The following AFF1 variants were observed in gnomAD, a reference collection of about 807,000 sequenced individuals.
AFF1 encodes the protein AF4/FMR2 family member 1.
In AFF1, 48 loss-of-function variants were observed where a neutral mutation model predicts 121.7. The ratio of observed to expected loss-of-function variants is 0.39; its 90% CI spans 0.31 to 0.50. The LOEUF is 0.50. AFF1 is among the 20% of genes least tolerant of loss of function. AFF1 has a pLI of 0.76. For synonymous variants in AFF1, 613 were observed against 563.0 expected (o/e 1.09, Z -1.26); for missense variants, 1,523 against 1,511.7 (o/e 1.01, Z -0.12).
At position 86,946,430 on chromosome 4, in the gene AFF1, T is replaced by C. The variant is rs572675354; in HGVS notation, c.-36-2068T>C. Among the ~76,000 whole-genome samples, 2 of 152,006 alleles carry C rather than the reference T, an allele frequency of 1.3e-5. 1 individual carries two copies. The highest frequency in any genetic ancestry group is 4.2e-4 in the South Asian group (2 of 4,812). ...TGGAGGGCAGTGGTGCAATTTCAGC[T>C]CACTGCAACCTACATCACCCCCACC... On this transcript the variant is annotated intron_variant, in intron 1 of 20. Transcript: ENST00000395146.
At chr4:87,048,010 GTGAACACGAAAAAATTTT>G (rs1196988761) in intron 4 of AFF1, 3 of 201,894 alleles carry the variant, frequency 1.5e-5, no homozygotes, top group African/African-American at 7.0e-5. Context: ...GGGTAACAAT[GTGAACACGAAAAAATTTT>G]TTTTGATTAA....
chr4:87,122,577 C>T (rs781002009), intron 12 of AFF1, among the ~76,000 whole-genome samples: 11 of 152,256 alleles, frequency 7.2e-5, no homozygotes, highest in Non-Finnish European at 1.3e-4. Context: ...GTTTAGAACT[C>T]GGTTGCTTAT....
intron 4 of AFF1, among the ~76,000 whole-genome samples, chr4:87,052,986 T>C (rs186864097): frequency 2.6e-5 from 4 of 152,248 alleles, no homozygotes; most frequent in East Asian, 3.9e-4. Flanking sequence ...TTGGGTCATG[T>C]ATTAAGATCA....
intron 2 of AFF1, among the ~76,000 whole-genome samples, chr4:86,954,728 CAAAA>C (rs1291421933): frequency 3.3e-5 from 5 of 151,952 alleles, no homozygotes; most frequent in African/African-American, 1.2e-4. Flanking sequence ...GACCCTGTCT[CAAAA>C]AAATCTTAAG....
At chr4:86,963,385 A>G (rs978884044) in intron 2 of AFF1, among the ~76,000 whole-genome samples, 11 of 152,230 alleles carry the variant, frequency 7.2e-5, no homozygotes, top group Admixed American at 6.5e-4. Flanking sequence ...AGTGTCAACT[A>G]GGAACTAGGG....
intron 8 of AFF1, among the ~76,000 whole-genome samples, chr4:87,097,329 A>G (rs1724977252): frequency 6.6e-6 from 1 of 152,168 alleles, no homozygotes; most frequent in Non-Finnish European, 1.5e-5. Flanking sequence ...GGTCTGATCT[A>G]CGCCTGACAG....
chr4:87,086,495 A>G (rs72879911), intron 5 of AFF1, among the ~76,000 whole-genome samples: 1 of 152,198 alleles, frequency 6.6e-6, no homozygotes, highest in Non-Finnish European at 1.5e-5. Flanking sequence ...TGGTTAATGT[A>G]TAAATCATGC....
At chr4:87,075,169 A>G (rs899124829) in intron 4 of AFF1, among the ~76,000 whole-genome samples, 13 of 152,312 alleles carry the variant, frequency 8.5e-5, no homozygotes, top group African/African-American at 2.9e-4. Context: ...AAGAACTGCT[A>G]TTTTAAAATA....
rs187012782 is a variant in AFF1 at position 87,115,095 on chromosome 4, G to C, written c.2262G>C (p.Lys754Asn). 1 of 1,614,134 alleles carries C rather than the reference G, an allele frequency of 6.2e-7. No homozygotes were observed. Among genetic ancestry groups the C allele is most frequent in the African/African-American group, 1.3e-5 (1 of 75,032 alleles). ...TCCCATTGCCTTTGAGAGACACCAA[G>C]CTGCTCTCACCGCTCAGGGACACTC... ...DRLPLPLRDT[K>N]LLSPLRDTPP... Residue 754 changes from lysine to asparagine, a missense_variant, in exon 12 of 21, where the codon AAG becomes AAC. Physicochemically the swap from Lys to Asn is moderately conservative, Grantham distance 94. Around this residue, in one of 5 missense-constraint regions of AFF1, gnomAD observed 905 missense variants for 842.5 expected, o/e 1.07. Transcript: ENST00000395146.
At chr4:86,943,979 A>G (rs113536481) in intron 1 of AFF1, among the ~76,000 whole-genome samples, 23,809 of 151,184 alleles carry the variant, frequency 0.16, 2,168 homozygotes, top group East Asian at 0.29. Flanking sequence ...AAAAACAATA[A>G]TAACATAAAA....
At chr4:87,093,593 C>G (rs1724534422) in intron 7 of AFF1, among the ~76,000 whole-genome samples, 1 of 152,154 alleles carries the variant, frequency 6.6e-6, no homozygotes, top group African/African-American at 2.4e-5. Context: ...ATTTAGAACC[C>G]AGGCAAGATG....
chr4:87,076,379 T>C (rs1360694197), intron 4 of AFF1, among the ~76,000 whole-genome samples: 1 of 152,222 alleles, frequency 6.6e-6, no homozygotes, highest in Non-Finnish European at 1.5e-5. Flanking sequence ...TGGCAGGCAG[T>C]TTGACGTTAA....
chr4:87,114,668 C>G lies in AFF1; in HGVS notation c.1835C>G (p.Pro612Arg), dbSNP rs1726897861. ...PQRQTVGTKQ[P>R]KKPVKASARA... The stretch of plus-strand genomic sequence containing the variant: ...AGGCAAACCGTTGGAACCAAACAAC[C>G]CAAAAAACCTGTCAAGGCCTCTGCC... The change falls in exon 12 of 21, where the codon CCC becomes CGC. Residue 612 changes from proline to arginine, a missense_variant. By Grantham distance (103) the Pro-to-Arg change is moderately radical (BLOSUM62 -2). Transcript: ENST00000395146. 2 of 1,613,502 alleles carry G rather than the reference C, an allele frequency of 1.2e-6. No homozygotes were observed. The highest frequency in any genetic ancestry group is 2.7e-5 in the African/African-American group (2 of 74,896).
chr4:86,984,882 A>G (rs1394983882), intron 2 of AFF1, among the ~76,000 whole-genome samples: 1 of 152,106 alleles, frequency 6.6e-6, no homozygotes, highest in East Asian at 1.9e-4. Flanking sequence ...TGATGATGCC[A>G]CTGCATTCCA....
chr4:87,007,562 T>A, intron 2 of AFF1: 1 of 1,184,188 alleles, frequency 8.4e-7, no homozygotes, highest in Non-Finnish European at 1.2e-6. Context: ...CCCGAGGCTG[T>A]GGCTTGACTA....
chr4:86,991,114 T>C (rs1313922703), intron 2 of AFF1, among the ~76,000 whole-genome samples: 1 of 149,666 alleles, frequency 6.7e-6, no homozygotes, highest in African/African-American at 2.5e-5. Context: ...ATCGTGCCAT[T>C]GCACTCCAGA....
chr4:87,114,413 C>T lies in AFF1; in HGVS notation c.1580C>T (p.Thr527Ile). The change falls in exon 12 of 21, where the codon ACC becomes ATC. Residue 527 changes from threonine to isoleucine, a missense_variant. By Grantham distance (89) the Thr-to-Ile change is moderately conservative. Transcript: ENST00000395146. ...AAATGGCAGCTGGACAACTGGCTGACCAAAGTCAGCCAGCCAGCTGCGCCA... is the reference window on the plus strand; with the variant it reads ...AAATGGCAGCTGGACAACTGGCTGATCAAAGTCAGCCAGCCAGCTGCGCCA... ...TNKWQLDNWL[T>I]KVSQPAAPPE... 1 of 1,607,860 alleles carries T rather than the reference C, an allele frequency of 6.2e-7. No individual in the cohort carries two copies. The highest frequency in any genetic ancestry group is 1.3e-5 in the African/African-American group (1 of 74,582).
At chr4:87,048,323 C>G (rs963671029) in intron 4 of AFF1, among the ~76,000 whole-genome samples, 4 of 151,672 alleles carry the variant, frequency 2.6e-5, no homozygotes, top group Admixed American at 2.6e-4. Context: ...TTTTTAAAAC[C>G]AAGAAAAAAA....
chr4:87,105,644 C>T lies in AFF1; in HGVS notation c.1300C>T (p.Leu434Phe). 1 of 1,614,154 alleles carries T rather than the reference C, an allele frequency of 6.2e-7. No individual in the cohort carries two copies. The highest frequency in any genetic ancestry group is 1.1e-5 in the South Asian group (1 of 91,078). Reference protein sequence around the residue: ...QGTSSMLEDDLQLSDSEDSDS... With the variant: ...QGTSSMLEDDFQLSDSEDSDS... ...CCATTCCAGCATGCTCGAAGACGAC[C>T]TTCAGCTCAGTGACAGTGAGGACAG... Residue 434 changes from leucine to phenylalanine, a missense_variant, in exon 9 of 21, where the codon CTT (leucine) becomes TTT (phenylalanine). Physicochemically the swap from Leu to Phe is conservative, Grantham distance 22. Coordinates refer to ENST00000395146, the MANE Select transcript of AFF1 (RefSeq NM_001166693.3).
Sources: allele counts gnomAD v4.1 joint callset (sites outside exome capture counted in the v4.1 genomes callset), GRCh38; gene constraint gnomAD v4.1.1; regional missense constraint gnomAD v4.1.1; transcripts MANE v1.5; gene names NCBI Gene and HGNC (gene_info 2026-07-23, HGNC 2026-07-21).